SLIT2: variants seen among roughly 807,000 people sequenced by gnomAD.
The protein encoded by SLIT2 is slit homolog 2 protein.
A neutral mutation model predicts 185.7 loss-of-function variants in SLIT2; 41 were observed. The observed-to-expected ratio is 0.22, with a 90% CI of 0.17 to 0.29. SLIT2 has a LOEUF of 0.29. Among genes scored for constraint, SLIT2 ranks in the 10% least tolerant of loss-of-function variants. The pLI is 1.00. For synonymous variants in SLIT2, 693 were observed against 680.2 expected, an observed-to-expected ratio of 1.02 and a Z score of -0.29; for missense variants, 1,571 against 1,909.0, an observed-to-expected ratio of 0.82 and a Z score of 3.30.
At chr4:20,575,709 T>A (rs1349650686) in intron 29 of SLIT2, among the ~76,000 whole-genome samples, 1 of 152,178 alleles carries the variant, frequency 6.6e-6, no homozygotes, top group Non-Finnish European at 1.5e-5. Context: ...TCCTGCTGTC[T>A]CTTCAGCTCG....
At chr4:20,527,726 G>T (rs981475114) in intron 15 of SLIT2, among the ~76,000 whole-genome samples, 11 of 152,040 alleles carry the variant, frequency 7.2e-5, no homozygotes, top group African/African-American at 2.7e-4. Context: ...ATCACATCAT[G>T]CTATTTTTTC....
chr4:20,421,269 T>A (rs148636522), intron 4 of SLIT2, among the ~76,000 whole-genome samples: 2 of 152,210 alleles, frequency 1.3e-5, no homozygotes, highest in Non-Finnish European at 2.9e-5. Flanking sequence ...AGATCCCAGG[T>A]ATGTTTGAAA....
chr4:20,445,127 C>G (rs1030747145), intron 4 of SLIT2, among the ~76,000 whole-genome samples: 1 of 152,188 alleles, frequency 6.6e-6, no homozygotes. Context: ...CCCCTCACCC[C>G]TCTCCTGGCC....
chr4:20,610,837 A>G (rs1729153007), intron 34 of SLIT2, among the ~76,000 whole-genome samples: 1 of 152,240 alleles, frequency 6.6e-6, no homozygotes, highest in African/African-American at 2.4e-5. Flanking sequence ...TTGAAATCAT[A>G]GAGTGAAGAC....
chr4:20,370,194 A>G (rs1477055727), intron 4 of SLIT2, among the ~76,000 whole-genome samples: 2 of 152,082 alleles, frequency 1.3e-5, no homozygotes, highest in African/African-American at 4.8e-5. Context: ...CTGAGTAGCC[A>G]GGTTTCCTGC....
chr4:20,254,405 C>T lies in SLIT2; in HGVS notation c.179+411C>T, dbSNP rs1215641123. Among the ~76,000 whole-genome samples, 1 of 152,186 alleles carries T rather than the reference C, an allele frequency of 6.6e-6. No homozygotes were observed. Among genetic ancestry groups the T allele is most frequent in the Non-Finnish European group, 1.5e-5 (1 of 68,044 alleles). ...TCGGTTTCAGAGCCCAGTCCTCGCTCTTGTCGCAGGCTGGCGCGGAGGGGA... is the reference window on the plus strand; with the variant it reads ...TCGGTTTCAGAGCCCAGTCCTCGCTTTTGTCGCAGGCTGGCGCGGAGGGGA... On this transcript the variant is annotated intron_variant, in intron 1 of 36. Coordinates refer to ENST00000504154, the MANE Select transcript of SLIT2 (RefSeq NM_004787.4). The surrounding 1 kb of genome is among the most constrained non-coding windows in gnomAD (Gnocchi z 5.1).
chr4:20,492,811 A>G lies in SLIT2; in HGVS notation c.914+912A>G, dbSNP rs376446852. Among the ~76,000 whole-genome samples the G allele has an allele frequency of 1.1e-4, 16 of 152,294 alleles. No homozygotes were observed. In the South Asian group the frequency reaches 3.3e-3, roughly 32 times the overall value. On this transcript the variant is annotated intron_variant, in intron 9 of 36. Transcript: ENST00000504154. Reference sequence around the variant, plus strand: ...TCATTTTTAACCAATTTATTTAATTATGATAATAAAGTAACTTATCTAATG... The same window carrying G: ...TCATTTTTAACCAATTTATTTAATTGTGATAATAAAGTAACTTATCTAATG...
chr4:20,289,094 C>T (rs1715558175), intron 4 of SLIT2, among the ~76,000 whole-genome samples: 1 of 152,150 alleles, frequency 6.6e-6, no homozygotes, highest in Non-Finnish European at 1.5e-5. Context: ...AAAGGTGGGG[C>T]AGGGGGTGCT....
intron 14 of SLIT2, 126 bp downstream of exon 14, chr4:20,524,303 T>TATAAATAATAATAAATAATATAAA (rs2148849896): frequency 1.2e-6 from 1 of 813,438 alleles, no homozygotes; most frequent in Non-Finnish European, 1.9e-6. Context: ...CTTCTGCCCA[T>TATAAATAATAATAAATAATATAAA]GAATAATAAA....
At chr4:20,313,032 A>G (rs1299062149) in intron 4 of SLIT2, among the ~76,000 whole-genome samples, 1 of 152,086 alleles carries the variant, frequency 6.6e-6, no homozygotes, top group Non-Finnish European at 1.5e-5. Context: ...GGCTTGAGGG[A>G]GAATTTTGCT....
chr4:20,462,744 T>C (rs972315875), intron 4 of SLIT2, among the ~76,000 whole-genome samples: 4 of 152,122 alleles, frequency 2.6e-5, no homozygotes, highest in African/African-American at 7.2e-5. Flanking sequence ...ATTTTTACAC[T>C]CTATTACCTA....
At chr4:20,323,076 G>A (rs559646402) in intron 4 of SLIT2, among the ~76,000 whole-genome samples, 4 of 152,258 alleles carry the variant, frequency 2.6e-5, no homozygotes, top group African/African-American at 9.6e-5. Flanking sequence ...AACTAAAACC[G>A]GTCATGTTTA....
At chr4:20,465,951 A>G (rs1362380961) in intron 4 of SLIT2, among the ~76,000 whole-genome samples, 1 of 128,404 alleles carries the variant, frequency 7.8e-6, no homozygotes, top group Non-Finnish European at 1.7e-5. Flanking sequence ...ATTCATCTAC[A>G]CACTCTTTGA....
chr4:20,559,686 AT>A (rs1724540653), intron 26 of SLIT2, among the ~76,000 whole-genome samples: 1 of 151,882 alleles, frequency 6.6e-6, no homozygotes, highest in Non-Finnish European at 1.5e-5. Context: ...TCATTTCCCC[AT>A]TTGAGATATG....
chr4:20,555,560 T>G (rs551232315), intron 26 of SLIT2, among the ~76,000 whole-genome samples: 1 of 152,238 alleles, frequency 6.6e-6, no homozygotes, highest in South Asian at 2.1e-4. Context: ...GCTGATTGTA[T>G]TGTTATAACA....
At chr4:20,462,000 G>A (rs1713769791) in intron 4 of SLIT2, among the ~76,000 whole-genome samples, 1 of 152,040 alleles carries the variant, frequency 6.6e-6, no homozygotes, top group Admixed American at 6.6e-5. Flanking sequence ...CTGCTGGGGT[G>A]GTTTTGGGAA....
chr4:20,295,775 C>T (rs749241061), intron 4 of SLIT2, among the ~76,000 whole-genome samples: 5 of 151,794 alleles, frequency 3.3e-5, no homozygotes, highest in African/African-American at 4.8e-5. Context: ...GATGCTCTGC[C>T]GAAAAGGCAT....
chr4:20,316,409 T>C (rs902945363), intron 4 of SLIT2, among the ~76,000 whole-genome samples: 3 of 152,116 alleles, frequency 2.0e-5, no homozygotes, highest in Middle Eastern at 3.4e-3. Context: ...ACAAAAATTA[T>C]AGCCAAGACA....
chr4:20,509,298 AAT>A (rs1409522771), intron 9 of SLIT2, among the ~76,000 whole-genome samples: 1 of 152,016 alleles, frequency 6.6e-6, no homozygotes, highest in Non-Finnish European at 1.5e-5. Flanking sequence ...TAATGTAGAG[AAT>A]AGACTGAACA....
Sources: allele counts gnomAD v4.1 joint callset (sites outside exome capture counted in the v4.1 genomes callset), GRCh38; gene constraint gnomAD v4.1.1; non-coding constraint Gnocchi (gnomAD v3.1); transcripts MANE v1.5; gene names NCBI Gene and HGNC (gene_info 2026-07-23, HGNC 2026-07-21).